Variants in THEMIS observed in about 807,000 individuals in gnomAD.
THEMIS encodes thymocyte selection associated.
THEMIS carries 37 observed loss-of-function variants against 52.6 expected under a neutral mutation model. The observed-to-expected ratio is 0.70, with a 90% CI of 0.54 to 0.93. The LOEUF (loss-of-function observed/expected upper bound fraction) is 0.93, where lower values mean the gene tolerates loss of function less well. Among genes scored for constraint, THEMIS ranks in the 40% least tolerant of loss-of-function variants. The probability of loss-of-function intolerance (pLI) is 0.00; values close to 1 mark genes in which losing one functional copy is unlikely to be tolerated. For missense variants in THEMIS, 808 were observed against 763.1 expected (o/e 1.06, Z -0.69); for synonymous variants, 292 against 272.7 (o/e 1.07, Z -0.70).
chr6:127,820,040 T>C (rs1053385896), intron 3 of THEMIS, among the ~76,000 whole-genome samples: 2 of 152,226 alleles, frequency 1.3e-5, no homozygotes. Flanking sequence ...GAATATTTTC[T>C]TATAAGGTAA....
At chr6:127,886,621 C>A (rs1222121306) in intron 1 of THEMIS, among the ~76,000 whole-genome samples, 1 of 152,082 alleles carries the variant, frequency 6.6e-6, no homozygotes, top group African/African-American at 2.4e-5. Flanking sequence ...GTCCCATGGG[C>A]ACTCCATGTT....
chr6:127,813,313 T>A lies in THEMIS; in HGVS notation c.1328A>T (p.Gln443Leu), dbSNP rs1265660870. The A allele has an allele frequency of 6.2e-7, 1 of 1,614,068 alleles. No homozygotes were observed. The highest frequency in any genetic ancestry group is 8.5e-7 in the Non-Finnish European group (1 of 1,180,042). Reference sequence around the variant, plus strand: ...TTTACAGAGCTCAGAAATCGGGTACTGTTTCTTATCATGAATCACCTCTAC... The same window carrying A: ...TTTACAGAGCTCAGAAATCGGGTACAGTTTCTTATCATGAATCACCTCTAC... ...GFVEVIHDKK[Q>L]YPISELCKQF... The change falls in exon 4 of 6, where the codon CAG becomes CTG. Residue 443 changes from glutamine (Q) to leucine (L), a missense_variant. Gln to Leu is a moderately radical substitution (Grantham distance 113). Coordinates refer to ENST00000368248, the MANE Select transcript of THEMIS (RefSeq NM_001010923.3).
chr6:127,848,076 C>A (rs1228860637), intron 2 of THEMIS, among the ~76,000 whole-genome samples: 17 of 104,328 alleles, frequency 1.6e-4, no homozygotes, highest in Non-Finnish European at 2.6e-4. Context: ...CCCTCCCCCC[C>A]ACCCCACAAC....
intron 3 of THEMIS, among the ~76,000 whole-genome samples, chr6:127,827,337 C>T (rs1778541520): frequency 6.6e-6 from 1 of 152,116 alleles, no homozygotes; most frequent in South Asian, 2.1e-4. Context: ...GCAGTCAATA[C>T]ACATGCAATC....
chr6:127,704,525 C>T (rs527864529), downstream of THEMIS, among the ~76,000 whole-genome samples: 1 of 152,278 alleles, frequency 6.6e-6, no homozygotes, highest in South Asian at 2.1e-4. Flanking sequence ...CACAGAACTA[C>T]ACAATATTTG....
rs1777003782 is a variant in THEMIS at position 127,787,799 on chromosome 6, A to ATAGG, written c.1758+25080_1758+25083dup. Among the ~76,000 whole-genome samples, 4 of 104,530 alleles carry ATAGG rather than the reference A, an allele frequency of 3.8e-5. No individual in the cohort carries two copies. In the East Asian group the frequency reaches 1.1e-3, roughly 29 times the overall value. The allele number at this position is 104,530 out of a possible 152,430, so 68.6% of individuals were successfully genotyped here. A position where few individuals can be genotyped will look rare whatever the true frequency, so the allele number is the denominator to read the frequency against. On this transcript the variant is annotated intron_variant, in intron 4 of 5. Coordinates refer to ENST00000368248, the MANE Select transcript of THEMIS (RefSeq NM_001010923.3). ...GCTAAAAAGTCAGCCTGCCACAGTG[A>ATAGG]TAGGTAGATAGATAGATAGATAGAT...
At chr6:127,704,445 A>G (rs759492948), downstream of THEMIS, among the ~76,000 whole-genome samples, 1 of 152,218 alleles carries the variant, frequency 6.6e-6, no homozygotes, top group Non-Finnish European at 1.5e-5. Flanking sequence ...AAGATAGTGT[A>G]TGAAACCTCT....
intron 1 of THEMIS, among the ~76,000 whole-genome samples, chr6:127,861,491 T>C (rs1779793841): frequency 6.6e-6 from 1 of 151,840 alleles, no homozygotes; most frequent in Non-Finnish European, 1.5e-5. Context: ...AGTTTAGAAA[T>C]TGAGAGTAAA....
intron 2 of THEMIS, among the ~76,000 whole-genome samples, chr6:127,834,300 G>A (rs369498189): frequency 6.6e-6 from 1 of 151,856 alleles, no homozygotes; most frequent in Admixed American, 6.6e-5. Context: ...GCCAGGCGTG[G>A]TGAGTCACGC....
intron 1 of THEMIS, among the ~76,000 whole-genome samples, chr6:127,888,464 G>T (rs1012787327): frequency 1.3e-5 from 2 of 151,942 alleles, no homozygotes; most frequent in African/African-American, 4.8e-5. Context: ...TATAAAGCAT[G>T]GGGAAAAGGA....
intron 1 of THEMIS, among the ~76,000 whole-genome samples, chr6:127,892,239 C>T (rs1780834750): frequency 6.6e-6 from 1 of 152,160 alleles, no homozygotes; most frequent in African/African-American, 2.4e-5. Context: ...TTATCCAGAC[C>T]AAGCAAGCTC....
intron 2 of THEMIS, among the ~76,000 whole-genome samples, chr6:127,848,044 A>G (rs955058617): frequency 4.1e-5 from 6 of 148,074 alleles, no homozygotes; most frequent in South Asian, 4.5e-4. Flanking sequence ...CATTAGGTAT[A>G]TCTCCTAATG....
At chr6:127,787,543 A>C (rs1776992870) in intron 4 of THEMIS, among the ~76,000 whole-genome samples, 1 of 152,118 alleles carries the variant, frequency 6.6e-6, no homozygotes, top group Non-Finnish European at 1.5e-5. Flanking sequence ...TCTCTATCTC[A>C]ACTGTCCTGA....
upstream of THEMIS, among the ~76,000 whole-genome samples, chr6:127,903,266 C>A (rs994278597): frequency 6.6e-6 from 1 of 151,930 alleles, no homozygotes; most frequent in Non-Finnish European, 1.5e-5. Context: ...GCAAAAAAAT[C>A]CTGATGTGAG....
chr6:127,793,571 C>T (rs1050781230), intron 4 of THEMIS, among the ~76,000 whole-genome samples: 1 of 152,156 alleles, frequency 6.6e-6, no homozygotes, highest in Non-Finnish European at 1.5e-5. Context: ...GACAAAGAAA[C>T]AGGGAATGCA....
At chr6:127,814,483 T>A (rs1387311519) in intron 3 of THEMIS, among the ~76,000 whole-genome samples, 3 of 152,188 alleles carry the variant, frequency 2.0e-5, no homozygotes, top group Admixed American at 2.0e-4. Context: ...TGAAACAATA[T>A]TGCAAAATCC....
At chr6:127,737,153 T>C (rs1157404204) in intron 4 of THEMIS, among the ~76,000 whole-genome samples, 1 of 152,202 alleles carries the variant, frequency 6.6e-6, no homozygotes, top group South Asian at 2.1e-4. Context: ...CAACTACCTT[T>C]CAGAGTGTAG....
At chr6:127,746,164 T>A (rs998357277) in intron 4 of THEMIS, among the ~76,000 whole-genome samples, 3 of 151,872 alleles carry the variant, frequency 2.0e-5, no homozygotes, top group Non-Finnish European at 4.4e-5. Flanking sequence ...TTATATAACA[T>A]TAAGTTTGAA....
intron 2 of THEMIS, among the ~76,000 whole-genome samples, chr6:127,839,819 C>T (rs1778987405): frequency 6.6e-6 from 1 of 152,116 alleles, no homozygotes; most frequent in Admixed American, 6.6e-5. Flanking sequence ...CACTGCACAT[C>T]TTGGTTCCCC....
Sources: allele counts gnomAD v4.1 joint callset (sites outside exome capture counted in the v4.1 genomes callset), GRCh38; gene constraint gnomAD v4.1.1; transcripts MANE v1.5; gene names NCBI Gene and HGNC (gene_info 2026-07-23, HGNC 2026-07-21).